The following NRG1 variants were observed in gnomAD, a reference collection of about 807,000 sequenced individuals.
The protein encoded by NRG1 is neuregulin 1.
In NRG1, 18 loss-of-function variants were observed where a neutral mutation model predicts 63.8. That is an observed-to-expected ratio of 0.28 (90% CI 0.19 to 0.42). The LOEUF is 0.42. Among genes scored for constraint, NRG1 ranks in the 10% least tolerant of loss-of-function variants. NRG1 has a pLI of 1.00. For missense variants in NRG1, 762 were observed against 814.7 expected (o/e 0.94, Z 0.79); for synonymous variants, 302 against 301.3 (o/e 1.00, Z -0.02).
At chr8:32,753,338 T>A (rs1313428542) in intron 7 of NRG1, among the ~76,000 whole-genome samples, 5 of 152,194 alleles carry the variant, frequency 3.3e-5, no homozygotes, top group African/African-American at 1.2e-4. Context: ...CCTACCTTAG[T>A]ATAATCAACT....
intron 1 of NRG1, among the ~76,000 whole-genome samples, chr8:31,701,352 TC>T (rs1810610268): frequency 6.6e-6 from 1 of 152,160 alleles, no homozygotes; most frequent in Non-Finnish European, 1.5e-5. Context: ...TGTTTCTAAA[TC>T]CCAAATCAAT....
chr8:32,042,791 C>G (rs1028984402), intron 1 of NRG1, among the ~76,000 whole-genome samples: 3 of 151,692 alleles, frequency 2.0e-5, no homozygotes, highest in Non-Finnish European at 4.4e-5. Context: ...ATGAAAGTGA[C>G]AGAGGAAGAA....
intron 1 of NRG1, among the ~76,000 whole-genome samples, chr8:32,274,113 A>G (rs16879080): frequency 0.053 from 8,120 of 152,288 alleles, 641 homozygotes; most frequent in African/African-American, 0.17. Flanking sequence ...CTGAAAAAAG[A>G]CAGTGACTTT....
intron 1 of NRG1, chr8:31,639,540 C>CGCTT: frequency 1.4e-6 from 2 of 1,466,662 alleles, no homozygotes; most frequent in Non-Finnish European, 1.8e-6. Context: ...CTCTCCCAGC[C>CGCTT]GCTTGCTCGC....
At chr8:32,640,071 T>G (rs557207220) in intron 5 of NRG1, among the ~76,000 whole-genome samples, 1 of 152,336 alleles carries the variant, frequency 6.6e-6, no homozygotes, top group South Asian at 2.1e-4. Flanking sequence ...TGCTGCTCTA[T>G]GCCCTGAACG....
chr8:32,616,775 A>C lies in NRG1; in HGVS notation c.452-60A>C, dbSNP rs138615475. The C allele has an allele frequency of 1.4e-3, 1,910 of 1,384,744 alleles. 23 individuals are homozygous for C. In the African/African-American group the frequency reaches 0.024, roughly 17 times the overall value. The allele number at this position is 1,384,744 out of a possible 1,614,324, so 85.8% of individuals were successfully genotyped here. On this transcript the variant is annotated intron_variant, in intron 4 of 11. Coordinates refer to ENST00000356819, the Ensembl canonical transcript of NRG1. ...CGATACCCAAGCCTGGCAAATTTCT[A>C]ATTTATGAGTCCAAGCAGCATGACT... is the stretch of plus-strand genomic sequence containing the variant.
At chr8:31,762,138 G>T (rs1817626064) in intron 1 of NRG1, among the ~76,000 whole-genome samples, 1 of 152,122 alleles carries the variant, frequency 6.6e-6, no homozygotes, top group African/African-American at 2.4e-5. Flanking sequence ...CATGCAAGTT[G>T]GTTACATAGG....
chr8:32,674,761 G>A (rs1179545357), intron 5 of NRG1, among the ~76,000 whole-genome samples: 1 of 152,108 alleles, frequency 6.6e-6, no homozygotes, highest in Non-Finnish European at 1.5e-5. Flanking sequence ...GTATCATTTA[G>A]TATAAATGGT....
At chr8:32,140,144 G>C (rs918874652) in intron 1 of NRG1, among the ~76,000 whole-genome samples, 1 of 152,142 alleles carries the variant, frequency 6.6e-6, no homozygotes, top group Non-Finnish European at 1.5e-5. Context: ...CCACGGTGCT[G>C]GAGTTTGTAG....
chr8:32,723,824 G>A (rs1763989736), intron 5 of NRG1, among the ~76,000 whole-genome samples: 1 of 150,736 alleles, frequency 6.6e-6, no homozygotes, highest in African/African-American at 2.4e-5. Flanking sequence ...AAGGAAGAAA[G>A]AAGAAGGGCA....
chr8:32,442,933 CTT>C (rs34691635), intron 1 of NRG1, among the ~76,000 whole-genome samples: 14 of 146,726 alleles, frequency 9.5e-5, no homozygotes, highest in Middle Eastern at 3.5e-3. Flanking sequence ...GAAAGTATGT[CTT>C]TTTTTTTTTT....
intron 1 of NRG1, among the ~76,000 whole-genome samples, chr8:32,483,940 T>C (rs956867079): frequency 6.6e-6 from 1 of 151,978 alleles, no homozygotes; most frequent in Non-Finnish European, 1.5e-5. Context: ...CCGTCTCTAC[T>C]AAAAATACAA....
chr8:31,910,264 C>A (rs1832834180), intron 1 of NRG1, among the ~76,000 whole-genome samples: 1 of 152,082 alleles, frequency 6.6e-6, no homozygotes, highest in Non-Finnish European at 1.5e-5. Context: ...GTCAGTATGA[C>A]CAGAGTGTAG....
At position 31,838,944 on chromosome 8, in the gene NRG1, A is replaced by G. The variant is rs1416586932; in HGVS notation, c.37+199513A>G. ...TCCAGAACTAGTTAAACTAGAGTAGAAATTTTTGGCATTTTTTTGGTTCCT... is the reference window on the plus strand; with the variant it reads ...TCCAGAACTAGTTAAACTAGAGTAGGAATTTTTGGCATTTTTTTGGTTCCT... On this transcript the variant is annotated intron_variant, in intron 1 of 10. Coordinates refer to the NRG1 transcript ENST00000519301. Among the ~76,000 whole-genome samples the G allele has an allele frequency of 2.0e-5, 3 of 152,206 alleles. No homozygotes were observed. The East Asian group carries it at 5.8e-4, about 29-fold the overall frequency.
At position 32,764,293 on chromosome 8, in the gene NRG1, T is replaced by G. The variant is rs1427505851; in HGVS notation, c.1805T>G (p.Phe602Cys). The change falls in exon 12 of 12, where the codon TTC becomes TGC. Residue 602 changes from phenylalanine to cysteine, a missense_variant. Physicochemically the swap from Phe to Cys is radical, Grantham distance 205. This residue lies in a region of NRG1 where 503 missense variants were observed against 506.8 expected (regional missense o/e 0.99). Coordinates refer to ENST00000356819, the Ensembl canonical transcript of NRG1. ...GCCAGTCTTGAGGCAACACCTGCCT[T>G]CCGCCTGGCTGACAGCAGGACTAAC... The G allele has an allele frequency of 1.9e-6, 3 of 1,614,024 alleles. No individual in the cohort carries two copies. In the South Asian group the frequency reaches 3.3e-5, roughly 18 times the overall value.
chr8:32,076,175 T>G (rs914207437), intron 1 of NRG1, among the ~76,000 whole-genome samples: 23 of 152,218 alleles, frequency 1.5e-4, no homozygotes, highest in African/African-American at 5.5e-4. Context: ...CCCAGAGTGG[T>G]GTGGTTTGCT....
chr8:32,126,899 G>A (rs1197892925), intron 1 of NRG1, among the ~76,000 whole-genome samples: 1 of 151,810 alleles, frequency 6.6e-6, no homozygotes. Flanking sequence ...ACTGACATGG[G>A]GGGAAGAGCT....
chr8:32,502,312 T>C (rs1045784146), intron 1 of NRG1, among the ~76,000 whole-genome samples: 4 of 150,690 alleles, frequency 2.7e-5, no homozygotes, highest in Non-Finnish European at 4.4e-5. Context: ...ATGAGTACAG[T>C]ACCAAGAGGG....
chr8:32,514,130 A>G (rs1196955291), intron 1 of NRG1, among the ~76,000 whole-genome samples: 1 of 152,120 alleles, frequency 6.6e-6, no homozygotes, highest in African/African-American at 2.4e-5. Context: ...CAAATTCTTA[A>G]CCTTTTTTTG....
Sources: allele counts gnomAD v4.1 joint callset (sites outside exome capture counted in the v4.1 genomes callset), GRCh38; gene constraint gnomAD v4.1.1; regional missense constraint gnomAD v4.1.1; transcripts MANE v1.5; gene names NCBI Gene and HGNC (gene_info 2026-07-23, HGNC 2026-07-21).